PIEZO1: variants seen among roughly 807,000 people sequenced by gnomAD.
The protein encoded by PIEZO1 is piezo-type mechanosensitive ion channel component 1.
In PIEZO1, 296 loss-of-function variants were observed where a neutral mutation model predicts 297.2. The observed-to-expected ratio is 1.00, with a 90% confidence interval of 0.91 to 1.10. The LOEUF (loss-of-function observed/expected upper bound fraction) is 1.10. PIEZO1 is among the 50% of genes least tolerant of loss of function. The pLI is 0.00. For missense variants in PIEZO1, 5,018 were observed against 3,455.5 expected, an observed-to-expected ratio of 1.45 and a Z score of -11.34; for synonymous variants, 2,427 against 1,507.5, an observed-to-expected ratio of 1.61 and a Z score of -14.13.
intron 35 of PIEZO1, 49 bp from the exon 36 acceptor site, chr16:88,722,446 C>T: frequency 6.8e-7 from 1 of 1,463,740 alleles, no homozygotes. Context: ...TGGCCTGACC[C>T]CAGGCTACAG....
At chr16:88,746,647 C>T (rs1906073546) in intron 2 of PIEZO1, among the ~76,000 whole-genome samples, 1 of 152,164 alleles carries the variant, frequency 6.6e-6, no homozygotes, top group Admixed American at 6.5e-5. Context: ...AAGCCTCACA[C>T]TTTCCTCTCT....
chr16:88,764,893 C>T (rs1437895780), intron 1 of PIEZO1, among the ~76,000 whole-genome samples: 3 of 152,210 alleles, frequency 2.0e-5, no homozygotes, highest in Admixed American at 1.3e-4. Context: ...CCAACCATGG[C>T]CCCAGCAACT....
rs201967733 is a variant in PIEZO1, at chr16:88,721,207, C to T, written c.5627G>A (p.Arg1876Lys). ...TRRISLRFRR[R>K]KKEGPARKGA... Reference sequence around the variant, plus strand: ...TTTCCGTGCTGGGCCCTCCTTCTTCCTTCTTCTAAAACGTAGACTGATGCG... The same window carrying T: ...TTTCCGTGCTGGGCCCTCCTTCTTCTTTCTTCTAAAACGTAGACTGATGCG... The change falls in exon 39 of 51, where the codon AGG becomes AAG. Residue 1876 changes from arginine (R) to lysine (K), a missense_variant. By Grantham distance (26) the Arg-to-Lys change is conservative (BLOSUM62 2). Transcript: ENST00000301015. 1.4e-3 allele frequency: 2,072 copies of T among 1,528,004 alleles called. 24 individuals are homozygous for T. In the South Asian group the frequency reaches 0.017, roughly 13 times the overall value. The allele number at this position is 1,528,004 out of a possible 1,614,324, so 94.7% of individuals were successfully genotyped here. A position where few individuals can be genotyped will look rare whatever the true frequency, so the allele number is the denominator to read the frequency against.
intron 1 of PIEZO1, among the ~76,000 whole-genome samples, chr16:88,771,795 ATG>A (rs1907437646): frequency 1.7e-4 from 14 of 83,168 alleles, no homozygotes; most frequent in African/African-American, 5.4e-4. Context: ...CTGAGACTCT[ATG>A]CCCGTCCACC....
At chr16:88,727,282 T>G in intron 23 of PIEZO1, 90 bp from the exon 24 acceptor site, 88 of 1,337,248 alleles carry the variant, frequency 6.6e-5, no homozygotes, top group Middle Eastern at 2.7e-4. Flanking sequence ...CCCAGGCCTG[T>G]CGGCGTGCAG....
chr16:88,758,042 C>T (rs188615767), intron 1 of PIEZO1, among the ~76,000 whole-genome samples: 60 of 152,126 alleles, frequency 3.9e-4, no homozygotes, highest in African/African-American at 1.2e-3. Flanking sequence ...TAGGGCTAGA[C>T]GAATAGGCCC....
intron 27 of PIEZO1, chr16:88,726,003 G>A (rs1381119751): frequency 1.8e-6 from 1 of 567,426 alleles, no homozygotes; most frequent in Non-Finnish European, 3.1e-6. Flanking sequence ...CCCTCCCGCT[G>A]GTGGAGAAAC....
chr16:88,771,784 CCT>C (rs1797302475), intron 1 of PIEZO1, among the ~76,000 whole-genome samples: 1 of 121,876 alleles, frequency 8.2e-6, no homozygotes. Context: ...CCCAGGCCCT[CCT>C]GAGACTCTAT....
At position 88,723,908 on chromosome 16, in the gene PIEZO1, G is replaced by C. The variant is rs1241471080; in HGVS notation, c.4298C>G (p.Pro1433Arg). 2.6e-6 allele frequency: 4 copies of C among 1,549,744 alleles called. No homozygotes were observed. The highest frequency in any genetic ancestry group is 2.0e-5 in the Admixed American group (1 of 51,004). ...SDSEEEEEAV[P>R]EDPRPSAQSA... ...CTGTGCCGACGGCCTCGGGTCTTCA[G>C]GAACAGCCTCCTCCTCTTCCTCACT... is the stretch of plus-strand genomic sequence containing the variant. The change falls in exon 31 of 51, where the codon CCT (proline) becomes CGT (arginine). Residue 1433 changes from proline (P) to arginine (R), a missense_variant. Physicochemically the swap from Pro to Arg is moderately radical, Grantham distance 103 (BLOSUM62 -2). Transcript: ENST00000301015.
At chr16:88,751,496 G>A (rs1337313392) in intron 1 of PIEZO1, among the ~76,000 whole-genome samples, 4 of 152,164 alleles carry the variant, frequency 2.6e-5, no homozygotes, top group East Asian at 1.9e-4. Flanking sequence ...CGCACACATC[G>A]CGGAGTGCCG....
At chr16:88,749,345 T>C in intron 2 of PIEZO1, 39 bp downstream of exon 2, 5 of 1,328,536 alleles carry the variant, frequency 3.8e-6, no homozygotes, top group Admixed American at 3.1e-5. Flanking sequence ...GCCCACCCCC[T>C]CCCACCCTGA....
At position 88,720,368 on chromosome 16, in the gene PIEZO1, T is replaced by A; in HGVS notation, c.5949+17A>T. 1 of 1,549,940 alleles carries A rather than the reference T, an allele frequency of 6.5e-7. No individual in the cohort carries two copies. Among genetic ancestry groups the A allele is most frequent in the Non-Finnish European group, 8.7e-7 (1 of 1,146,848 alleles). On this transcript the variant is annotated intron_variant, in intron 41 of 50. Transcript: ENST00000301015. ...GAGCTCTGCGTACACTGGGTTTGGG[T>A]CCCGGGCCTGGCTCACCCCAAAGGC...
intron 31 of PIEZO1, among the ~76,000 whole-genome samples, chr16:88,723,535 T>G (rs1227216698): frequency 1.3e-5 from 2 of 152,140 alleles, no homozygotes; most frequent in African/African-American, 4.8e-5. Flanking sequence ...TGGGCTGGTC[T>G]AACACCAAGA....
At chr16:88,759,379 A>G (rs930054761) in intron 1 of PIEZO1, among the ~76,000 whole-genome samples, 2 of 152,222 alleles carry the variant, frequency 1.3e-5, no homozygotes, top group Non-Finnish European at 2.9e-5. Context: ...GACAGCTGCC[A>G]GGCCAGGGCA....
In PIEZO1 at chr16:88,768,543, C is replaced by T. The variant is rs565594379; in HGVS notation, c.64+16358G>A. Reference sequence around the variant, plus strand: ...ACTAATCCAATTCCTAACAGCAGAGCGAGCAGCCGAACTCCCGGGGGTCCC... The same window carrying T: ...ACTAATCCAATTCCTAACAGCAGAGTGAGCAGCCGAACTCCCGGGGGTCCC... On this transcript the variant is annotated intron_variant, in intron 1 of 50. Coordinates refer to ENST00000301015, the MANE Select transcript of PIEZO1 (RefSeq NM_001142864.4). Among the ~76,000 whole-genome samples, 16 of 152,358 alleles carry T rather than the reference C, an allele frequency of 1.1e-4. No individual in the cohort carries two copies. In the East Asian group the frequency reaches 2.5e-3, roughly 24 times the overall value.
At chr16:88,784,487 C>A (rs1464331602) in intron 1 of PIEZO1, among the ~76,000 whole-genome samples, 1 of 144,944 alleles carries the variant, frequency 6.9e-6, no homozygotes, top group Non-Finnish European at 1.6e-5. Context: ...TGCAACTTTG[C>A]GCTTTTTTTT....
chr16:88,741,346 C>T (rs1905641806), intron 5 of PIEZO1, 132 bp downstream of exon 5: 3 of 844,816 alleles, frequency 3.6e-6, no homozygotes, highest in Admixed American at 3.0e-5. Flanking sequence ...GGAACTTCCT[C>T]CTCTCTTTAA....
In PIEZO1 at chr16:88,726,736, G is replaced by A; in HGVS notation, c.3678C>T (p.Ile1226=). 1 of 1,550,036 alleles carries A rather than the reference G, an allele frequency of 6.5e-7. No homozygotes were observed. Among genetic ancestry groups the A allele is most frequent in the South Asian group, 1.2e-5 (1 of 84,046 alleles). ...TCACCGACAGCATGTTCTTGGAGAT[G>A]ATGACGGTGACGTTGTACAGAATGA... ...DCLILYNVTV[I]ISKNMLSLLA... The change falls in exon 25 of 51, where the codon ATC becomes ATT. Residue 1226 remains isoleucine, a synonymous_variant. Coordinates refer to ENST00000301015, the MANE Select transcript of PIEZO1 (RefSeq NM_001142864.4).
chr16:88,781,684 C>T (rs564579424), intron 1 of PIEZO1, among the ~76,000 whole-genome samples: 10 of 152,368 alleles, frequency 6.6e-5, no homozygotes, highest in South Asian at 4.1e-4. Context: ...TCCTGAGACC[C>T]GGGCACAGGC....
Sources: gnomAD v4.1 joint callset for allele counts (sites outside exome capture counted in the v4.1 genomes callset) on GRCh38, gnomAD v4.1.1 for gene constraint, MANE v1.5 for transcripts, NCBI Gene and HGNC (gene_info 2026-07-23, HGNC 2026-07-21) for gene names.